The following LAMA2 variants were observed in gnomAD, a reference collection of about 807,000 sequenced individuals.
LAMA2 encodes the protein laminin subunit alpha-2.
A neutral mutation model predicts 364.8 loss-of-function variants in LAMA2; 269 were observed. The observed-to-expected ratio is 0.74, with a 90% confidence interval of 0.67 to 0.82. The LOEUF is 0.82. Among genes scored for constraint, LAMA2 ranks in the 40% least tolerant of loss-of-function variants. The probability of loss-of-function intolerance (pLI) is 0.00; values close to 1 mark genes in which losing one functional copy is unlikely to be tolerated. For missense variants in LAMA2, 3,807 were observed against 3,873.2 expected, an observed-to-expected ratio of 0.98 and a Z score of 0.45; for synonymous variants, 1,379 against 1,370.6, an observed-to-expected ratio of 1.01 and a Z score of -0.14.
intron 17 of LAMA2, among the ~76,000 whole-genome samples, chr6:129,279,222 A>G (rs1313476558): frequency 6.6e-6 from 1 of 152,166 alleles, no homozygotes; most frequent in Non-Finnish European, 1.5e-5. Flanking sequence ...CCAGTCGAGA[A>G]CGCATTACCG....
chr6:129,340,296 A>G (rs892046814), intron 29 of LAMA2, among the ~76,000 whole-genome samples: 1 of 149,888 alleles, frequency 6.7e-6, no homozygotes, highest in African/African-American at 2.4e-5. Flanking sequence ...GACCTCACAG[A>G]TTTTTTTTTT....
intron 4 of LAMA2, among the ~76,000 whole-genome samples, chr6:129,119,362 T>A: frequency 6.6e-6 from 1 of 152,102 alleles, no homozygotes; most frequent in East Asian, 1.9e-4. Context: ...ATTTATCATA[T>A]CTCCACTGAC....
intron 8 of LAMA2, among the ~76,000 whole-genome samples, chr6:129,163,119 AT>A (rs1399682080): frequency 2.0e-5 from 3 of 151,430 alleles, no homozygotes; most frequent in South Asian, 2.1e-4. Context: ...ATTTTTACTT[AT>A]TTTTTTTAGG....
intron 1 of LAMA2, among the ~76,000 whole-genome samples, chr6:128,898,407 G>T (rs953224386): frequency 2.0e-5 from 3 of 152,100 alleles, no homozygotes; most frequent in Non-Finnish European, 2.9e-5. Context: ...CTCAGAAAAT[G>T]GTACCATCAT....
At chr6:128,932,387 A>G (rs549383160) in intron 1 of LAMA2, among the ~76,000 whole-genome samples, 2 of 152,344 alleles carry the variant, frequency 1.3e-5, no homozygotes, top group East Asian at 3.9e-4. Context: ...AAGCTTACTG[A>G]TACCCAGACC....
intron 63 of LAMA2, 79 bp from the exon 64 acceptor site, chr6:129,514,294 C>G (rs1786846157): frequency 9.7e-7 from 1 of 1,031,470 alleles, no homozygotes; most frequent in Non-Finnish European, 1.5e-6. Context: ...TCCTAGAGAC[C>G]TGATCATTTG....
At chr6:129,150,299 A>G (rs1016369713) in intron 7 of LAMA2, among the ~76,000 whole-genome samples, 2 of 152,256 alleles carry the variant, frequency 1.3e-5, no homozygotes, top group Admixed American at 6.5e-5. Context: ...TAGAGAACAG[A>G]CATTTGTTCT....
At chr6:129,006,837 T>C (rs1784468935) in intron 1 of LAMA2, among the ~76,000 whole-genome samples, 1 of 152,146 alleles carries the variant, frequency 6.6e-6, no homozygotes, top group South Asian at 2.1e-4. Flanking sequence ...CATTTTATGC[T>C]CCTGTCATGC....
At chr6:129,210,754 ATT>A (rs1783046091) in intron 12 of LAMA2, among the ~76,000 whole-genome samples, 1 of 152,178 alleles carries the variant, frequency 6.6e-6, no homozygotes, top group Non-Finnish European at 1.5e-5. Flanking sequence ...CAAAATCCTA[ATT>A]AGAACACCCA....
At chr6:129,383,554 T>C (rs1233371842) in intron 35 of LAMA2, among the ~76,000 whole-genome samples, 1 of 152,208 alleles carries the variant, frequency 6.6e-6, no homozygotes, top group Non-Finnish European at 1.5e-5. Context: ...ATTTAAAGTA[T>C]TTTTCATTTT....
chr6:129,225,585 T>C (rs1784199108), intron 12 of LAMA2, among the ~76,000 whole-genome samples: 1 of 152,248 alleles, frequency 6.6e-6, no homozygotes, highest in African/African-American at 2.4e-5. Flanking sequence ...CTTCATTTCG[T>C]TATATACCCA....
At chr6:129,337,418 T>C (rs1174964174) in intron 29 of LAMA2, among the ~76,000 whole-genome samples, 1 of 152,178 alleles carries the variant, frequency 6.6e-6, no homozygotes, top group Non-Finnish European at 1.5e-5. Flanking sequence ...TTTGAGGACC[T>C]TCCCTAGGAA....
At chr6:129,122,406 A>G (rs556785757) in intron 4 of LAMA2, among the ~76,000 whole-genome samples, 3 of 152,276 alleles carry the variant, frequency 2.0e-5, no homozygotes, top group South Asian at 2.1e-4. Flanking sequence ...TTCACAAACC[A>G]TCTTACCGAT....
chr6:128,965,928 T>C (rs1282336169), intron 1 of LAMA2, among the ~76,000 whole-genome samples: 3 of 151,578 alleles, frequency 2.0e-5, no homozygotes, highest in African/African-American at 7.3e-5. Flanking sequence ...TAGTTTCTCT[T>C]TTCTGTTGAA....
intron 51 of LAMA2, among the ~76,000 whole-genome samples, chr6:129,470,659 A>G (rs1321644591): frequency 6.6e-6 from 1 of 151,900 alleles, no homozygotes; most frequent in African/African-American, 2.4e-5. Flanking sequence ...ATTCAGATAA[A>G]GTTTAAAAGA....
chr6:128,961,222 C>T (rs1238258638), intron 1 of LAMA2, among the ~76,000 whole-genome samples: 1 of 148,460 alleles, frequency 6.7e-6, no homozygotes, highest in Non-Finnish European at 1.5e-5. Flanking sequence ...TTCTTATCCT[C>T]ACCCCTCATC....
intron 58 of LAMA2, among the ~76,000 whole-genome samples, chr6:129,493,416 TA>T (rs1481659485): frequency 6.6e-6 from 1 of 152,150 alleles, no homozygotes; most frequent in Non-Finnish European, 1.5e-5. Context: ...ATCCAAGTAC[TA>T]ACCGGGCCCA....
intron 3 of LAMA2, among the ~76,000 whole-genome samples, chr6:129,063,160 G>C (rs1303867936): frequency 6.6e-6 from 1 of 152,014 alleles, no homozygotes; most frequent in Non-Finnish European, 1.5e-5. Context: ...GAAAATTAAA[G>C]TAATGATAAT....
At chr6:129,199,369 A>G (rs960194382) in intron 12 of LAMA2, among the ~76,000 whole-genome samples, 11 of 152,242 alleles carry the variant, frequency 7.2e-5, no homozygotes, top group Admixed American at 3.9e-4. Context: ...GGCTATCTAC[A>G]TAAAAATCAA....
Sources: allele counts gnomAD v4.1 joint callset (sites outside exome capture counted in the v4.1 genomes callset), GRCh38; gene constraint gnomAD v4.1.1; transcripts MANE v1.5; gene names NCBI Gene and HGNC (gene_info 2026-07-23, HGNC 2026-07-21).